Variants in VASH2 observed in about 807,000 individuals in gnomAD.
VASH2 encodes vasohibin 2.
A neutral mutation model predicts 37.2 loss-of-function variants in VASH2; 28 were observed. The observed-to-expected ratio is 0.75, with a 90% CI of 0.56 to 1.03. The LOEUF is 1.03. Ranked by LOEUF, VASH2 falls within the 50% of genes least tolerant of loss-of-function variation. The pLI is 0.00. For synonymous variants in VASH2, 188 were observed against 174.7 expected, an observed-to-expected ratio of 1.08 and a Z score of -0.60; for missense variants, 419 against 459.1, an observed-to-expected ratio of 0.91 and a Z score of 0.80.
chr1:212,973,130 A>G (rs1454258465), intron 6 of VASH2, among the ~76,000 whole-genome samples, 169 bp downstream of exon 6: 1 of 152,212 alleles, frequency 6.6e-6, no homozygotes, highest in African/African-American at 2.4e-5. Context: ...ATCAATTTAG[A>G]TGCGACAGTT....
chr1:212,984,021 G>A (rs1234759722), intron 7 of VASH2, among the ~76,000 whole-genome samples: 1 of 152,168 alleles, frequency 6.6e-6, no homozygotes, highest in African/African-American at 2.4e-5. Context: ...CGTGGGTTAT[G>A]GTGAGGATTA....
At chr1:212,954,032 C>T (rs1474175018) in intron 2 of VASH2, among the ~76,000 whole-genome samples, 1 of 152,050 alleles carries the variant, frequency 6.6e-6, no homozygotes, top group East Asian at 1.9e-4. Context: ...CCTCAGCCTC[C>T]TGAGTGTAGC....
intron 7 of VASH2, among the ~76,000 whole-genome samples, chr1:212,982,603 G>T (rs1183317430): frequency 6.6e-6 from 1 of 152,216 alleles, no homozygotes. Flanking sequence ...AGCTGGCAAG[G>T]ACTGAATGAC....
intron 5 of VASH2, chr1:212,966,999 C>A: frequency 1.3e-6 from 1 of 788,792 alleles, no homozygotes; most frequent in South Asian, 1.4e-5. Context: ...CCCACCTCAG[C>A]CTCCCAAAGT....
Position 212,951,804 on chromosome 1 carries a change from G to T in VASH2, c.262G>T (p.Ala88Ser), listed in dbSNP as rs1223426011. ...AATGGTGGGCGCCATCAGGAACGCCGCCTTCTTGGCAAAGGTCAGTGGCTT... is the reference window on the plus strand; with the variant it reads ...AATGGTGGGCGCCATCAGGAACGCCTCCTTCTTGGCAAAGGTCAGTGGCTT... ...GEMVGAIRNAAFLAKPSIPQV... is the reference protein window; with the variant it reads ...GEMVGAIRNASFLAKPSIPQV... The change falls in exon 2 of 8, where the codon GCC becomes TCC. Residue 88 changes from alanine to serine, a missense_variant. Ala to Ser is a moderately conservative substitution (Grantham distance 99). Transcript: ENST00000517399. The surrounding 1 kb of genome is among the most constrained non-coding windows in gnomAD (Gnocchi z 4.4). 1.9e-6 allele frequency: 3 copies of T among 1,604,948 alleles called. No homozygotes were observed. Among genetic ancestry groups the T allele is most frequent in the Non-Finnish European group, 1.7e-6 (2 of 1,177,914 alleles).
intron 3 of VASH2, among the ~76,000 whole-genome samples, chr1:212,962,237 G>A (rs1460661729): frequency 6.6e-6 from 1 of 152,218 alleles, no homozygotes; most frequent in Non-Finnish European, 1.5e-5. Context: ...CACGAGCAAT[G>A]CTGTAGGGAC....
At chr1:212,972,420 C>G (rs914053760) in intron 5 of VASH2, among the ~76,000 whole-genome samples, 160 bp from the exon 6 acceptor site, 3 of 152,152 alleles carry the variant, frequency 2.0e-5, no homozygotes, top group African/African-American at 7.2e-5. Flanking sequence ...ACATAACAAG[C>G]GAATCCTTTA....
Position 212,951,527 on chromosome 1 carries a change from C to A in VASH2, c.-16C>A. 1 of 1,351,772 alleles carries A rather than the reference C, an allele frequency of 7.4e-7. No individual in the cohort carries two copies. Among genetic ancestry groups the A allele is most frequent in the Non-Finnish European group, 9.6e-7 (1 of 1,046,682 alleles). 83.7% of individuals were successfully genotyped at this position (1,351,772 alleles called of 1,614,324 possible). A position where few individuals can be genotyped will look rare whatever the true frequency, so the allele number is the denominator to read the frequency against. On this transcript the variant is annotated 5_prime_UTR_variant, in exon 2 of 8. Transcript: ENST00000517399. This position sits in a 1 kb window ranked among gnomAD's most constrained non-coding sequence, Gnocchi z 4.4. The stretch of plus-strand genomic sequence containing the variant: ...CCGCGCGCCCCCAGTACCTCGCTCC[C>A]CGCCCAGGCCCCACCATGACCGGCT...
chr1:212,978,803 A>C (rs927720342), intron 7 of VASH2, among the ~76,000 whole-genome samples: 1 of 151,900 alleles, frequency 6.6e-6, no homozygotes, highest in African/African-American at 2.4e-5. Flanking sequence ...TGTATTAGCA[A>C]ATCCAGTAAG....
At chr1:212,959,452 C>T (rs1395253040) in intron 2 of VASH2, among the ~76,000 whole-genome samples, 3 of 103,170 alleles carry the variant, frequency 2.9e-5, no homozygotes, top group South Asian at 2.4e-4. Context: ...CACATTCACA[C>T]ACACACACAC....
At chr1:212,979,495 G>T (rs1280425906) in intron 7 of VASH2, among the ~76,000 whole-genome samples, 1 of 152,188 alleles carries the variant, frequency 6.6e-6, no homozygotes, top group Non-Finnish European at 1.5e-5. Flanking sequence ...CCCATCAGCT[G>T]TGGGGTCCCA....
chr1:212,979,820 AGTTTTTTCCT>A (rs1384178091), intron 7 of VASH2, among the ~76,000 whole-genome samples: 4 of 152,088 alleles, frequency 2.6e-5, no homozygotes, highest in African/African-American at 9.7e-5. Flanking sequence ...TGAATTGTCA[AGTTTTTTCCT>A]GTGGTTCGTA....
Position 212,989,062 on chromosome 1 carries a change from C to T in VASH2, c.*478C>T, listed in dbSNP as rs969942209. 4 of 159,500 alleles carry T rather than the reference C, an allele frequency of 2.5e-5. No individual in the cohort carries two copies. Among genetic ancestry groups the T allele is most frequent in the Admixed American group, 2.4e-4 (4 of 16,820 alleles). 9.9% of individuals were successfully genotyped at this position (159,500 alleles called of 1,614,324 possible). ...AGCATTTTGACATCAGATATGCAAA[C>T]TTAATGGCGTTTTGTTTTTTTATAT... On this transcript the variant is annotated 3_prime_UTR_variant, in exon 8 of 8. Transcript: ENST00000517399.
Position 212,990,539 on chromosome 1 carries a change from G to A in VASH2, c.*1955G>A, listed in dbSNP as rs2075848031. On this transcript the variant is annotated 3_prime_UTR_variant, in exon 8 of 8. Coordinates refer to ENST00000517399, the MANE Select transcript of VASH2 (RefSeq NM_001301056.2). ...TTATAACACTGCAACCATTCTAAGAGTTGGAATTTATTTTTGCCAAGTATT... is the reference window on the plus strand; with the variant it reads ...TTATAACACTGCAACCATTCTAAGAATTGGAATTTATTTTTGCCAAGTATT... The A allele has an allele frequency of 1.3e-5, 2 of 152,150 alleles. No individual in the cohort carries two copies. The highest frequency in any genetic ancestry group is 2.9e-5 in the Non-Finnish European group (2 of 68,036). The allele number at this position is 152,150 out of a possible 1,614,324, so 9.4% of individuals were successfully genotyped here.
intron 7 of VASH2, among the ~76,000 whole-genome samples, chr1:212,986,456 C>T (rs1667481733): frequency 6.6e-6 from 1 of 152,204 alleles, no homozygotes; most frequent in Non-Finnish European, 1.5e-5. Flanking sequence ...ATGAGAGAAC[C>T]AGATGCATGT....
chr1:212,954,138 T>C (rs1017176329), intron 2 of VASH2, among the ~76,000 whole-genome samples: 1 of 152,148 alleles, frequency 6.6e-6, no homozygotes, highest in African/African-American at 2.4e-5. Context: ...GTCTCAAACT[T>C]CTAGGCTCGA....
intron 3 of VASH2, among the ~76,000 whole-genome samples, chr1:212,964,720 CTA>C (rs1242570277): frequency 1.3e-5 from 2 of 152,112 alleles, no homozygotes; most frequent in East Asian, 1.9e-4. Flanking sequence ...GCTACAGAGT[CTA>C]TGCGCTACTG....
intron 7 of VASH2, among the ~76,000 whole-genome samples, chr1:212,979,739 T>TC (rs1667284379): frequency 6.6e-6 from 1 of 152,016 alleles, no homozygotes; most frequent in Non-Finnish European, 1.5e-5. Flanking sequence ...AAACCAGGAC[T>TC]CCCCCACCCT....
intron 5 of VASH2, among the ~76,000 whole-genome samples, chr1:212,969,569 T>A (rs1666949454): frequency 2.0e-5 from 3 of 152,096 alleles, no homozygotes; most frequent in Admixed American, 2.0e-4. Flanking sequence ...TCGGCTAAGT[T>A]TTTGTATTTT....
Sources: allele counts gnomAD v4.1 joint callset (sites outside exome capture counted in the v4.1 genomes callset), GRCh38; gene constraint gnomAD v4.1.1; non-coding constraint Gnocchi (gnomAD v3.1); transcripts MANE v1.5; gene names NCBI Gene and HGNC (gene_info 2026-07-23, HGNC 2026-07-21).